Variants in HERC1 observed in about 807,000 individuals in gnomAD.
The protein encoded by HERC1 is probable E3 ubiquitin-protein ligase HERC1.
In HERC1, 160 loss-of-function variants were observed where a neutral mutation model predicts 554.3. That is an observed-to-expected ratio of 0.29 (90% CI 0.25 to 0.33). The LOEUF is 0.33. Among genes scored for constraint, HERC1 ranks in the 10% least tolerant of loss-of-function variants. HERC1 has a pLI of 1.00. For missense variants in HERC1, 4,919 were observed against 5,918.5 expected (o/e 0.83, Z 5.54); for synonymous variants, 2,175 against 2,131.7 (o/e 1.02, Z -0.56).
intron 74 of HERC1, among the ~76,000 whole-genome samples, chr15:63,621,988 C>A (rs2068097969): frequency 6.6e-6 from 1 of 152,176 alleles, no homozygotes; most frequent in African/African-American, 2.4e-5. Context: ...CTTCTCTCAA[C>A]TCGTCAAAGT....
chr15:63,669,242 G>A (rs759668113), intron 40 of HERC1, among the ~76,000 whole-genome samples: 5 of 152,192 alleles, frequency 3.3e-5, no homozygotes, highest in Non-Finnish European at 5.9e-5. Context: ...TTCAAAATGT[G>A]TGGGTTGCAG....
intron 34 of HERC1, among the ~76,000 whole-genome samples, chr15:63,683,515 G>T (rs2071590527): frequency 1.3e-5 from 2 of 152,192 alleles, no homozygotes; most frequent in African/African-American, 4.8e-5. Flanking sequence ...ACAGGCTGAT[G>T]ACTTTCTAGC....
rs556489135 is a variant in HERC1, at chr15:63,634,719, G to T, written c.12570+14C>A. ...CAATGATCAGCTAGAATATCTTATT[G>T]ATTTATTCCATGCCTGTCCAATCTG... On this transcript the variant is annotated intron_variant, in intron 66 of 77. Transcript: ENST00000443617. 6.2e-7 allele frequency: 1 copy of T among 1,605,554 alleles called. No homozygotes were observed. Among genetic ancestry groups the T allele is most frequent in the Non-Finnish European group, 8.5e-7 (1 of 1,174,460 alleles).
In HERC1 at chr15:63,713,255, A is replaced by C. The variant is rs577758759; in HGVS notation, c.4463+98T>G. The C allele has an allele frequency of 7.3e-5, 73 of 995,676 alleles. 1 individual carries two copies. In the African/African-American group the frequency reaches 1.1e-3, roughly 15 times the overall value. The allele number at this position is 995,676 out of a possible 1,614,324, so 61.7% of individuals were successfully genotyped here. ...CATTTCTTCTTTCATGTCTATGTTAACATCAGAACACTGTAACTTTGGAAA... is the reference window on the plus strand; with the variant it reads ...CATTTCTTCTTTCATGTCTATGTTACCATCAGAACACTGTAACTTTGGAAA... On this transcript the variant is annotated intron_variant, in intron 23 of 77. Transcript: ENST00000443617.
intron 34 of HERC1, among the ~76,000 whole-genome samples, chr15:63,684,069 C>A (rs2071617345): frequency 6.6e-6 from 1 of 152,222 alleles, no homozygotes; most frequent in Admixed American, 6.5e-5. Flanking sequence ...TGGATGCTGG[C>A]TGGACTGTCC....
chr15:63,634,040 C>G, intron 66 of HERC1, 70 bp from the exon 67 acceptor site: 1 of 1,574,058 alleles, frequency 6.4e-7, no homozygotes, highest in African/African-American at 1.4e-5. Flanking sequence ...TTCTGGGACC[C>G]TTTTTCTCTA....
rs1250735210 is a variant in HERC1 at position 63,775,645 on chromosome 15, T to C, written c.-22A>G. 1.3e-6 allele frequency: 2 copies of C among 1,552,984 alleles called. No homozygotes were observed. Among genetic ancestry groups the C allele is most frequent in the African/African-American group, 2.7e-5 (2 of 73,100 alleles). ...CCATGTTGATTTATCCTTCAGCCAT[T>C]AGTCCTGCAAAGGGAGAAGAGAAAA... On this transcript the variant is annotated 5_prime_UTR_variant, in exon 2 of 78. Coordinates refer to ENST00000443617, the MANE Select transcript of HERC1 (RefSeq NM_003922.4). This position sits in a 1 kb window ranked among gnomAD's most constrained non-coding sequence, Gnocchi z 4.0.
At chr15:63,810,349 A>G (rs2077264325) in intron 1 of HERC1, among the ~76,000 whole-genome samples, 1 of 152,168 alleles carries the variant, frequency 6.6e-6, no homozygotes, top group African/African-American at 2.4e-5. Flanking sequence ...ATAAAAAGAA[A>G]TGAAATTTTG....
chr15:63,733,217 A>G (rs2074368300), intron 13 of HERC1, 72 bp from the exon 14 acceptor site: 2 of 1,000,528 alleles, frequency 2.0e-6, no homozygotes, highest in Non-Finnish European at 3.2e-6. Flanking sequence ...AGGATCCCAG[A>G]AAAAAACTAT....
Position 63,669,604 on chromosome 15 carries a change from C to T in HERC1, c.8140G>A (p.Glu2714Lys). 6.2e-7 allele frequency: 1 copy of T among 1,613,514 alleles called. No individual in the cohort carries two copies. Among genetic ancestry groups the T allele is most frequent in the Non-Finnish European group, 8.5e-7 (1 of 1,179,446 alleles). Residue 2714 changes from glutamate to lysine, a missense_variant, in exon 40 of 78, where the codon GAA becomes AAA. By Grantham distance (56) the Glu-to-Lys change is moderately conservative. Coordinates refer to ENST00000443617, the MANE Select transcript of HERC1 (RefSeq NM_003922.4). ...GTTAAACTTTGCCTCCTTCCTACTT[C>T]ATCAGAAGGAGAGGTTGGTAACGAA... ...ISSLPTSPSD[E>K]VGRRQSLTSP...
intron 1 of HERC1, among the ~76,000 whole-genome samples, chr15:63,829,589 ATATAT>A (rs1567172230): frequency 4.3e-5 from 6 of 138,346 alleles, no homozygotes; most frequent in African/African-American, 1.4e-4. Flanking sequence ...ATATATATAT[ATATAT>A]AATATACTGA....
chr15:63,708,196 A>G (rs927697934), intron 24 of HERC1, among the ~76,000 whole-genome samples: 7 of 152,138 alleles, frequency 4.6e-5, no homozygotes, highest in Non-Finnish European at 1.0e-4. Context: ...TTTTCATTAC[A>G]TAGTACCTTT....
At chr15:63,733,806 C>T (rs561918753) in intron 13 of HERC1, among the ~76,000 whole-genome samples, 2 of 152,178 alleles carry the variant, frequency 1.3e-5, no homozygotes, top group Admixed American at 6.5e-5. Context: ...AAGCCATGAT[C>T]GTGCCACTGC....
intron 16 of HERC1, among the ~76,000 whole-genome samples, chr15:63,728,907 G>A (rs1201109960): frequency 6.7e-6 from 1 of 149,332 alleles, no homozygotes; most frequent in Non-Finnish European, 1.5e-5. Flanking sequence ...AATGGTAAAT[G>A]CTGAAGAGAA....
chr15:63,778,682 C>T (rs7173984), intron 1 of HERC1, among the ~76,000 whole-genome samples: 72,650 of 151,854 alleles, frequency 0.48, 18,314 homozygotes, highest in Non-Finnish European at 0.55. Flanking sequence ...GAAGAGAATG[C>T]AATTAAATTA....
At chr15:63,762,821 A>G (rs990668324) in intron 3 of HERC1, among the ~76,000 whole-genome samples, 1 of 152,208 alleles carries the variant, frequency 6.6e-6, no homozygotes, top group Non-Finnish European at 1.5e-5. Flanking sequence ...AATTGTTGGG[A>G]AAAAGCTGAG....
At chr15:63,823,352 A>C (rs2077768657) in intron 1 of HERC1, among the ~76,000 whole-genome samples, 1 of 152,248 alleles carries the variant, frequency 6.6e-6, no homozygotes, top group Non-Finnish European at 1.5e-5. Context: ...GGAACTAAAT[A>C]AATACAGATG....
rs1033838253 is a variant in HERC1 at position 63,684,131 on chromosome 15, C to T, written c.6225+2228G>A. 2.6e-5 allele frequency among the ~76,000 whole-genome samples: 4 copies of T among 152,294 alleles called. 1 individual carries two copies. The highest frequency in any genetic ancestry group is 9.6e-5 in the African/African-American group (4 of 41,554). On this transcript the variant is annotated intron_variant, in intron 34 of 77. Transcript: ENST00000443617. ...GAGTGTGTTTTCTGGGGGCAATATA[C>T]TTCCAAACACTCTTTAAGAGATTGT...
Position 63,774,944 on chromosome 15 carries a change from G to A in HERC1, c.680C>T (p.Thr227Ile), listed in dbSNP as rs2076073998. The change falls in exon 2 of 78, where the codon ACA (threonine) becomes ATA (isoleucine). Residue 227 changes from threonine (T) to isoleucine (I), a missense_variant. Around this residue, in one of 11 missense-constraint regions of HERC1, gnomAD observed 744 missense variants for 1,090.0 expected, o/e 0.68. Transcript: ENST00000443617. ...AGGAATAGTGACTCCTTTAAGAAAT[G>A]TTGTTACTTGCGATAAGCAGTCCAA... is the stretch of plus-strand genomic sequence containing the variant. ...MGLDCLSQVT[T>I]FLKGVTIPNS... 1.1e-5 allele frequency: 17 copies of A among 1,614,016 alleles called. No individual in the cohort carries two copies. The highest frequency in any genetic ancestry group is 1.4e-5 in the Non-Finnish European group (17 of 1,179,886).
Sources: gnomAD v4.1 joint callset for allele counts (sites outside exome capture counted in the v4.1 genomes callset) on GRCh38, gnomAD v4.1.1 for gene constraint, gnomAD v4.1.1 regional missense constraint, Gnocchi (gnomAD v3.1) non-coding constraint, MANE v1.5 for transcripts, NCBI Gene and HGNC (gene_info 2026-07-23, HGNC 2026-07-21) for gene names.